Variants in MEGF8 observed in about 807,000 individuals in gnomAD.
The protein encoded by MEGF8 is multiple EGF like domains 8, also known as multiple epidermal growth factor-like domains protein 8.
Under a neutral mutation model 302.9 loss-of-function variants are expected in MEGF8, and 156 were observed. The observed-to-expected ratio is 0.52, with a 90% CI of 0.45 to 0.59. The LOEUF is 0.59. Ranked by LOEUF, MEGF8 falls within the 20% of genes least tolerant of loss-of-function variation. The probability of loss-of-function intolerance (pLI) is 0.00; values close to 1 mark genes in which losing one functional copy is unlikely to be tolerated. For missense variants in MEGF8, 3,345 were observed against 3,964.5 expected, an observed-to-expected ratio of 0.84 and a Z score of 4.20; for synonymous variants, 1,621 against 1,660.5, an observed-to-expected ratio of 0.98 and a Z score of 0.58.
chr19:42,362,602 G>T lies in MEGF8; in HGVS notation c.6058+5G>T, dbSNP rs371752630. 240 of 1,608,942 alleles carry T rather than the reference G, an allele frequency of 1.5e-4. 1 individual carries two copies. In the South Asian group the frequency reaches 2.5e-3, roughly 17 times the overall value. On this transcript the variant is annotated splice_donor_5th_base_variant and intron_variant, in intron 34 of 41. Transcript: ENST00000251268. ...CGCGGCAGTTCAAGAGGACAGGTGA[G>T]CAGTGGGCCTAGTTCCTGAGAGGGG...
intron 14 of MEGF8, 130 bp from the exon 15 acceptor site, chr19:42,350,018 T>G: frequency 1.4e-6 from 1 of 738,028 alleles, no homozygotes; most frequent in African/African-American, 1.8e-5. Flanking sequence ...TCTTTACTGA[T>G]TTCCTAAATC....
intron 35 of MEGF8, among the ~76,000 whole-genome samples, chr19:42,367,566 T>G (rs1422955447): frequency 6.6e-6 from 1 of 152,164 alleles, no homozygotes; most frequent in Non-Finnish European, 1.5e-5. Flanking sequence ...GGGATTACAT[T>G]TTTCTAAGAA....
chr19:42,327,947 T>G (rs1393058882), intron 1 of MEGF8, among the ~76,000 whole-genome samples: 1 of 152,084 alleles, frequency 6.6e-6, no homozygotes, highest in Non-Finnish European at 1.5e-5. Context: ...ATACAAAAAT[T>G]AGCTGGGTGT....
intron 3 of MEGF8, 49 bp downstream of exon 3, chr19:42,334,262 G>T (rs367916807): frequency 1.3e-6 from 2 of 1,498,886 alleles, no homozygotes; most frequent in Admixed American, 4.0e-5. Context: ...ATCTGTGAGC[G>T]CAGCCTCCAC....
At chr19:42,360,703 T>A in intron 31 of MEGF8, 72 bp from the exon 32 acceptor site, 1 of 1,539,408 alleles carries the variant, frequency 6.5e-7, no homozygotes, top group Non-Finnish European at 8.7e-7. Flanking sequence ...CTTCTCTGAC[T>A]GGCATCATGG....
chr19:42,360,256 T>C (rs1791974328), intron 31 of MEGF8, among the ~76,000 whole-genome samples: 1 of 151,898 alleles, frequency 6.6e-6, no homozygotes. Flanking sequence ...TTTCCCTCTT[T>C]GTGTTCCTTT....
At chr19:42,335,505 C>G in intron 5 of MEGF8, 120 bp downstream of exon 5, 1 of 822,710 alleles carries the variant, frequency 1.2e-6, no homozygotes, top group Non-Finnish European at 1.9e-6. Context: ...GATATAGGAA[C>G]CTACTTCTCC....
intron 1 of MEGF8, among the ~76,000 whole-genome samples, chr19:42,330,083 C>T (rs995679382): frequency 6.6e-6 from 1 of 152,078 alleles, no homozygotes; most frequent in Admixed American, 6.6e-5. Context: ...GCTGGGATTA[C>T]AGGCATGTGC....
chr19:42,349,805 C>A, intron 14 of MEGF8, 106 bp downstream of exon 14: 3 of 1,197,586 alleles, frequency 2.5e-6, no homozygotes, highest in Non-Finnish European at 3.6e-6. Flanking sequence ...TAGATTCTGG[C>A]CTCGGACTCC....
intron 9 of MEGF8, 137 bp downstream of exon 9, chr19:42,343,768 T>A: frequency 7.7e-7 from 1 of 1,307,146 alleles, no homozygotes. Flanking sequence ...GGGAAGGAGG[T>A]CCCTGGGGCA....
chr19:42,359,843 C>T (rs1054586807), intron 31 of MEGF8, among the ~76,000 whole-genome samples: 7 of 150,938 alleles, frequency 4.6e-5, no homozygotes, highest in African/African-American at 7.3e-5. Context: ...CATGCCACCA[C>T]GCCTGGATAA....
Position 42,363,982 on chromosome 19 carries a change from A to T in MEGF8, c.6273+720A>T, listed in dbSNP as rs552110440. Among the ~76,000 whole-genome samples, 19 of 152,300 alleles carry T rather than the reference A, an allele frequency of 1.2e-4. No individual in the cohort carries two copies. In the South Asian group the frequency reaches 3.3e-3, roughly 27 times the overall value. ...TCTCTGTGTTTGTCGGTTAGCTCAC[A>T]TTCTCGAGGAGAAACTCTGACTTAG... On this transcript the variant is annotated intron_variant, in intron 35 of 41. Coordinates refer to ENST00000251268, the MANE Select transcript of MEGF8 (RefSeq NM_001271938.2).
At chr19:42,365,372 A>G (rs2039589398) in intron 35 of MEGF8, among the ~76,000 whole-genome samples, 1 of 151,806 alleles carries the variant, frequency 6.6e-6, no homozygotes, top group Non-Finnish European at 1.5e-5. Flanking sequence ...TGAATTGGAG[A>G]GCACAGCCTG....
rs148206491 is a variant in MEGF8 at position 42,367,975 on chromosome 19, G to A, written c.6274-480G>A. Among the ~76,000 whole-genome samples, 129 of 152,258 alleles carry A rather than the reference G, an allele frequency of 8.5e-4. 1 individual carries two copies. Among genetic ancestry groups the A allele is most frequent in the South Asian group, 6.6e-3 (32 of 4,826 alleles). ...CTTACTCTGTTGTCCAGGCTGGAGT[G>A]CAGTGGTGCAGTCATGACTCATTGC... On this transcript the variant is annotated intron_variant, in intron 35 of 41. Transcript: ENST00000251268.
At chr19:42,348,598 T>A (rs907103575) in intron 13 of MEGF8, 126 bp downstream of exon 13, 13 of 937,850 alleles carry the variant, frequency 1.4e-5, no homozygotes, top group African/African-American at 3.3e-5. Flanking sequence ...AGGCAGGAGA[T>A]GGATTTTTTG....
Position 42,363,052 on chromosome 19 carries a change from G to T in MEGF8, c.6063G>T (p.Glu2021Asp). 2 of 1,611,668 alleles carry T rather than the reference G, an allele frequency of 1.2e-6. No homozygotes were observed. Among genetic ancestry groups the T allele is most frequent in the Non-Finnish European group, 1.7e-6 (2 of 1,179,064 alleles). Residue 2021 changes from glutamate to aspartate, a missense_variant, in exon 35 of 42, where the codon GAG (glutamate) becomes GAT (aspartate). Physicochemically the swap from Glu to Asp is conservative, Grantham distance 45. Coordinates refer to ENST00000251268, the MANE Select transcript of MEGF8 (RefSeq NM_001271938.2). ...ATCCCCGTGCCCCACCCCCAGGGGA[G>T]ACCCGCCGCATCCTCTCCGTGCAGC... ...MWTRQFKRTG[E>D]TRRILSVQPT... is the part of the protein sequence containing the mutation.
Position 42,376,371 on chromosome 19 carries a change from G to A in MEGF8, c.8134G>A (p.Ala2712Thr). The A allele has an allele frequency of 6.2e-7, 1 of 1,613,294 alleles. No homozygotes were observed. Among genetic ancestry groups the A allele is most frequent in the East Asian group, 2.2e-5 (1 of 44,878 alleles). ...VCFPPDPTAP[A>T]SAWKPAGLPP... ...CTTCCCACCTGACCCTACTGCCCCG[G>A]CCTCCGCCTGGAAGCCGGCTGGGCT... Residue 2712 changes from alanine to threonine, a missense_variant, in exon 42 of 42, where the codon GCC (alanine) becomes ACC (threonine). Ala to Thr is a moderately conservative substitution (Grantham distance 58, BLOSUM62 0). Coordinates refer to ENST00000251268, the MANE Select transcript of MEGF8 (RefSeq NM_001271938.2). The surrounding 1 kb of genome is among the most constrained non-coding windows in gnomAD (Gnocchi z 8.2).
chr19:42,330,180 T>C (rs2039037522), intron 1 of MEGF8, among the ~76,000 whole-genome samples: 1 of 152,142 alleles, frequency 6.6e-6, no homozygotes. Flanking sequence ...TGGCCTCAAA[T>C]GATCTGCCCT....
chr19:42,368,464 C>A lies in MEGF8; in HGVS notation c.6283C>A (p.Pro2095Thr). The A allele has an allele frequency of 6.2e-7, 1 of 1,607,526 alleles. No homozygotes were observed. The change falls in exon 36 of 42, where the codon CCT becomes ACT. Residue 2095 changes from proline to threonine, a missense_variant. Coordinates refer to ENST00000251268, the MANE Select transcript of MEGF8 (RefSeq NM_001271938.2). The surrounding 1 kb of genome is among the most constrained non-coding windows in gnomAD (Gnocchi z 4.9). ...WSSSLQQCLS[P>T]SYLPLRCMAG... Reference sequence around the variant, plus strand: ...CCTCCCCCCCATACAGTGTCTGAGCCCTTCCTACCTGCCCCTGCGATGTAT... The same window carrying A: ...CCTCCCCCCCATACAGTGTCTGAGCACTTCCTACCTGCCCCTGCGATGTAT...
Sources: gnomAD v4.1 joint callset for allele counts (sites outside exome capture counted in the v4.1 genomes callset) on GRCh38, gnomAD v4.1.1 for gene constraint, Gnocchi (gnomAD v3.1) non-coding constraint, MANE v1.5 for transcripts, NCBI Gene and HGNC (gene_info 2026-07-23, HGNC 2026-07-21) for gene names.